Variants in NRXN3 observed in about 807,000 individuals in gnomAD.
The protein encoded by NRXN3 is neurexin 3, also known as neurexin III.
NRXN3 carries 32 observed loss-of-function variants against 137.6 expected under a neutral mutation model. That is an observed-to-expected ratio of 0.23 (90% CI 0.18 to 0.31). The LOEUF is 0.31. Among genes scored for constraint, NRXN3 ranks in the 10% least tolerant of loss-of-function variants. The probability of loss-of-function intolerance (pLI) is 1.00; values close to 1 mark genes in which losing one functional copy is unlikely to be tolerated. For missense variants in NRXN3, 1,574 were observed against 2,062.5 expected (o/e 0.76, Z 4.59); for synonymous variants, 798 against 784.5 (o/e 1.02, Z -0.29).
chr14:79,589,488 G>T, intron 16 of NRXN3, among the ~76,000 whole-genome samples: 1 of 90,818 alleles, frequency 1.1e-5, no homozygotes, highest in African/African-American at 4.7e-5. Flanking sequence ...GTTTCTTTTA[G>T]AAATAAAGTT....
intron 16 of NRXN3, among the ~76,000 whole-genome samples, chr14:79,482,133 C>T (rs944272874): frequency 3.3e-5 from 5 of 152,226 alleles, no homozygotes; most frequent in Non-Finnish European, 7.3e-5. Context: ...CTCTCATCCT[C>T]TTAACCTGGT....
chr14:79,835,479 T>C (rs1372526220), intron 20 of NRXN3, among the ~76,000 whole-genome samples: 1 of 152,192 alleles, frequency 6.6e-6, no homozygotes, highest in Non-Finnish European at 1.5e-5. Flanking sequence ...TAGTTATTTC[T>C]TTAACTTTGA....
intron 15 of NRXN3, among the ~76,000 whole-genome samples, chr14:79,419,570 A>G (rs1167046931): frequency 6.6e-6 from 1 of 152,104 alleles, no homozygotes; most frequent in Non-Finnish European, 1.5e-5. Context: ...TGTCATCAAG[A>G]GTCTTGTGTG....
At chr14:79,680,463 G>A (rs1192656466) in intron 17 of NRXN3, among the ~76,000 whole-genome samples, 5 of 138,906 alleles carry the variant, frequency 3.6e-5, no homozygotes, top group Admixed American at 3.5e-4. Flanking sequence ...GTGTGTGTAT[G>A]TGTGTGTGTG....
intron 6 of NRXN3, among the ~76,000 whole-genome samples, chr14:78,661,236 G>A (rs2097839042): frequency 6.6e-6 from 1 of 152,118 alleles, no homozygotes; most frequent in South Asian, 2.1e-4. Context: ...CTAATTAAGA[G>A]CACTAAGAAA....
chr14:79,680,525 G>C (rs991120527), intron 17 of NRXN3, among the ~76,000 whole-genome samples: 5 of 151,986 alleles, frequency 3.3e-5, no homozygotes, highest in African/African-American at 1.2e-4. Flanking sequence ...ATTGTTGTGT[G>C]TTAGTAGGGA....
chr14:79,774,323 C>T (rs1463449687), intron 19 of NRXN3, among the ~76,000 whole-genome samples: 1 of 152,124 alleles, frequency 6.6e-6, no homozygotes, highest in Non-Finnish European at 1.5e-5. Context: ...CCCTTGAAAA[C>T]TGAAATAGAA....
intron 10 of NRXN3, among the ~76,000 whole-genome samples, chr14:78,813,659 AT>A (rs555087328): frequency 4.1e-4 from 62 of 150,902 alleles, no homozygotes; most frequent in Non-Finnish European, 4.0e-4. Flanking sequence ...GACATCAGCT[AT>A]TTTTTTTTCC....
intron 19 of NRXN3, among the ~76,000 whole-genome samples, chr14:79,736,081 CT>C (rs1568056131): frequency 6.6e-6 from 1 of 152,148 alleles, no homozygotes; most frequent in Non-Finnish European, 1.5e-5. Context: ...TTCTCAACAT[CT>C]TTGCCTCCCA....
chr14:79,832,101 A>T (rs1051549754), intron 20 of NRXN3, among the ~76,000 whole-genome samples: 2 of 152,118 alleles, frequency 1.3e-5, no homozygotes, highest in Non-Finnish European at 2.9e-5. Context: ...CTTCTATATA[A>T]TTTAAATAAT....
intron 5 of NRXN3, among the ~76,000 whole-genome samples, chr14:78,648,229 G>C (rs1184196787): frequency 6.6e-6 from 1 of 152,210 alleles, no homozygotes; most frequent in Non-Finnish European, 1.5e-5. Flanking sequence ...TAGTGGGGTG[G>C]TAATTGGTCC....
At chr14:79,725,650 G>A (rs2154067656) in intron 19 of NRXN3, among the ~76,000 whole-genome samples, 1 of 152,256 alleles carries the variant, frequency 6.6e-6, no homozygotes, top group East Asian at 1.9e-4. Flanking sequence ...GGAAAAAAAA[G>A]TGGTATATCC....
intron 15 of NRXN3, among the ~76,000 whole-genome samples, chr14:79,428,830 T>G (rs2153547029): frequency 6.6e-6 from 1 of 152,348 alleles, no homozygotes; most frequent in Admixed American, 6.5e-5. Context: ...TATAAAATCC[T>G]GTATTAAAAT....
intron 16 of NRXN3, among the ~76,000 whole-genome samples, chr14:79,663,268 A>T (rs557195525): frequency 6.6e-6 from 1 of 150,962 alleles, no homozygotes; most frequent in Admixed American, 6.6e-5. Flanking sequence ...GTGTGTGTAT[A>T]TTTATATACA....
At chr14:79,513,656 A>G (rs936911720) in intron 16 of NRXN3, among the ~76,000 whole-genome samples, 2 of 152,212 alleles carry the variant, frequency 1.3e-5, no homozygotes, top group African/African-American at 4.8e-5. Context: ...AGGAGAGTGG[A>G]TGGCAGTGCA....
chr14:78,200,100 AT>A (rs1267360469), intron 1 of NRXN3, among the ~76,000 whole-genome samples: 3 of 152,208 alleles, frequency 2.0e-5, no homozygotes, highest in Non-Finnish European at 2.9e-5. Flanking sequence ...CATCTCAGGA[AT>A]AGTTTACTGT....
At chr14:79,466,518 G>A (rs2096426750) in intron 15 of NRXN3, among the ~76,000 whole-genome samples, 1 of 152,138 alleles carries the variant, frequency 6.6e-6, no homozygotes. Flanking sequence ...AACCCAGGAG[G>A]CAAAGGGTGC....
intron 15 of NRXN3, among the ~76,000 whole-genome samples, chr14:79,405,326 G>C (rs949369937): frequency 6.6e-6 from 1 of 152,156 alleles, no homozygotes; most frequent in Non-Finnish European, 1.5e-5. Flanking sequence ...TTGTTATCAA[G>C]TTTAATGTCC....
rs550844101 is a variant in NRXN3 at position 78,724,119 on chromosome 14, A to AT, written c.2044+8988dup. ...GCCATATTTGAAATTAAGCTAAAAGATTTTTTTTCCTTGGAGATAGAAAAA... is the reference window on the plus strand; with the variant it reads ...GCCATATTTGAAATTAAGCTAAAAGATTTTTTTTTCCTTGGAGATAGAAAAA... On this transcript the variant is annotated intron_variant, in intron 8 of 20. Coordinates refer to ENST00000335750, the MANE Select transcript of NRXN3 (RefSeq NM_001330195.2). Among the ~76,000 whole-genome samples, 40 of 152,088 alleles carry AT rather than the reference A, an allele frequency of 2.6e-4. No homozygotes were observed. In the South Asian group the frequency reaches 6.2e-3, roughly 24 times the overall value.
Sources: allele counts gnomAD v4.1 joint callset (sites outside exome capture counted in the v4.1 genomes callset), GRCh38; gene constraint gnomAD v4.1.1; transcripts MANE v1.5; gene names NCBI Gene and HGNC (gene_info 2026-07-23, HGNC 2026-07-21).